The following RAP1GAP2 variants were observed in gnomAD, a reference collection of about 807,000 sequenced individuals.
RAP1GAP2 encodes RAP1 GTPase activating protein 2, also known as rap1 GTPase-activating protein 2.
RAP1GAP2 carries 27 observed loss-of-function variants against 95.0 expected under a neutral mutation model. The ratio of observed to expected loss-of-function variants is 0.28; its 90% CI spans 0.21 to 0.39. The LOEUF is 0.39. Among genes scored for constraint, RAP1GAP2 ranks in the 10% least tolerant of loss-of-function variants. The pLI, the probability that RAP1GAP2 is intolerant of heterozygous loss-of-function variation, is 1.00. For synonymous variants in RAP1GAP2, 373 were observed against 380.9 expected, an observed-to-expected ratio of 0.98 and a Z score of 0.24; for missense variants, 771 against 970.0, an observed-to-expected ratio of 0.79 and a Z score of 2.72.
intron 2 of RAP1GAP2, chr17:2,854,046 C>T (rs1165602496): frequency 9.1e-6 from 9 of 985,108 alleles, no homozygotes; most frequent in African/African-American, 8.7e-5. Flanking sequence ...GGATCCGCGC[C>T]GCCGTGGTGC....
intron 3 of RAP1GAP2, among the ~76,000 whole-genome samples, chr17:2,912,342 C>G (rs561273439): frequency 6.6e-6 from 1 of 152,182 alleles, no homozygotes; most frequent in Admixed American, 6.5e-5. Context: ...GCACAGCCCC[C>G]GGCCTGATTT....
At chr17:3,011,218 G>A (rs920338645) in intron 17 of RAP1GAP2, among the ~76,000 whole-genome samples, 4 of 152,022 alleles carry the variant, frequency 2.6e-5, no homozygotes, top group African/African-American at 7.3e-5. Context: ...GTGAGCCACC[G>A]CGCCCGGCCA....
At chr17:2,909,640 G>A (rs904969552) in intron 3 of RAP1GAP2, among the ~76,000 whole-genome samples, 1 of 152,228 alleles carries the variant, frequency 6.6e-6, no homozygotes, top group African/African-American at 2.4e-5. Context: ...GGCAGGCCCG[G>A]AGCAGAGCAG....
chr17:3,025,970 T>G, intron 19 of RAP1GAP2, 38 bp from the exon 20 acceptor site: 1 of 1,474,958 alleles, frequency 6.8e-7, no homozygotes. Flanking sequence ...GGTTGAGGGC[T>G]GTCTCCGCGG....
At chr17:2,801,590 C>T (rs1567660306) in intron 2 of RAP1GAP2, among the ~76,000 whole-genome samples, 1 of 141,528 alleles carries the variant, frequency 7.1e-6, no homozygotes, top group Non-Finnish European at 1.5e-5. Context: ...ACTAAACACT[C>T]CAGGGTATGT....
intron 3 of RAP1GAP2, among the ~76,000 whole-genome samples, chr17:2,932,776 C>T (rs2043194983): frequency 1.4e-5 from 2 of 140,688 alleles, no homozygotes; most frequent in Non-Finnish European, 3.0e-5. Flanking sequence ...CAAGATTGCA[C>T]CACTGCACTC....
At chr17:2,886,820 G>A (rs2073520275) in intron 2 of RAP1GAP2, among the ~76,000 whole-genome samples, 1 of 152,124 alleles carries the variant, frequency 6.6e-6, no homozygotes, top group Non-Finnish European at 1.5e-5. Flanking sequence ...CAAAGCAGCA[G>A]TGCAACAGGC....
intron 12 of RAP1GAP2, among the ~76,000 whole-genome samples, chr17:2,991,909 C>T (rs934975815): frequency 2.0e-5 from 3 of 150,866 alleles, no homozygotes; most frequent in African/African-American, 4.9e-5. Flanking sequence ...GGACTACAGG[C>T]GCCCGCCAAC....
rs576790446 is a variant in RAP1GAP2 at position 3,026,312 on chromosome 17, G to A, written c.1866-38G>A. 6.6e-5 allele frequency: 100 copies of A among 1,508,864 alleles called. 3 individuals carry two copies. In the South Asian group the frequency reaches 1.0e-3, roughly 15 times the overall value. The allele number at this position is 1,508,864 out of a possible 1,614,324, so 93.5% of individuals were successfully genotyped here. A position where few individuals can be genotyped will look rare whatever the true frequency, so the allele number is the denominator to read the frequency against. On this transcript the variant is annotated intron_variant, in intron 20 of 24. Transcript: ENST00000254695. ...GACCCTGGGGGTGGAGGGCTCTCGC[G>A]TGTGACCCGGGCTGGCCTCACTTCC...
At chr17:2,878,891 A>G (rs774259360) in intron 2 of RAP1GAP2, among the ~76,000 whole-genome samples, 5 of 152,192 alleles carry the variant, frequency 3.3e-5, no homozygotes, top group Admixed American at 6.5e-5. Flanking sequence ...CGGTTTTCTC[A>G]TCCGTGTGAT....
chr17:3,007,165 G>T (rs764623977), intron 16 of RAP1GAP2, among the ~76,000 whole-genome samples: 9 of 152,120 alleles, frequency 5.9e-5, no homozygotes, highest in Non-Finnish European at 8.8e-5. Flanking sequence ...GGACCCACGG[G>T]GGCTGGAATG....
chr17:2,991,266 A>G, intron 11 of RAP1GAP2, 31 bp from the exon 12 acceptor site: 1 of 1,516,668 alleles, frequency 6.6e-7, no homozygotes, highest in Non-Finnish European at 9.0e-7. Flanking sequence ...AATTTTTCTA[A>G]TTCCTGCCCT....
At chr17:2,957,639 T>C (rs1465908874) in intron 3 of RAP1GAP2, 120 bp from the exon 4 acceptor site, 2 of 1,145,436 alleles carry the variant, frequency 1.7e-6, no homozygotes, top group Admixed American at 2.3e-5. Context: ...TTGATCCAAA[T>C]GAATTTTGTC....
chr17:2,989,701 A>T (rs996849988), intron 11 of RAP1GAP2, among the ~76,000 whole-genome samples: 5 of 151,828 alleles, frequency 3.3e-5, no homozygotes, highest in Admixed American at 6.6e-5. Flanking sequence ...AAACATTTTT[A>T]AAAATAACAG....
intron 2 of RAP1GAP2, among the ~76,000 whole-genome samples, chr17:2,807,820 G>A (rs1474025000): frequency 6.6e-6 from 1 of 152,142 alleles, no homozygotes; most frequent in African/African-American, 2.4e-5. Flanking sequence ...TTAGGACTAG[G>A]GGAATGCTAT....
intron 1 of RAP1GAP2, among the ~76,000 whole-genome samples, chr17:2,762,283 G>C (rs1223876698): frequency 6.6e-6 from 1 of 151,632 alleles, no homozygotes; most frequent in African/African-American, 2.4e-5. Flanking sequence ...CACTGCGCCT[G>C]GCCGTCCATT....
At chr17:2,782,264 A>G (rs2068679582) in intron 1 of RAP1GAP2, among the ~76,000 whole-genome samples, 1 of 152,174 alleles carries the variant, frequency 6.6e-6, no homozygotes, top group African/African-American at 2.4e-5. Flanking sequence ...GAGGGACGGC[A>G]AGTCCAGCCT....
chr17:3,006,583 G>A (rs571451622), intron 16 of RAP1GAP2, among the ~76,000 whole-genome samples: 5 of 151,854 alleles, frequency 3.3e-5, no homozygotes, highest in Non-Finnish European at 5.9e-5. Flanking sequence ...ACAGGCGCCC[G>A]CCACCACGCC....
chr17:2,898,360 A>G (rs1380454466), intron 2 of RAP1GAP2, among the ~76,000 whole-genome samples: 1 of 152,066 alleles, frequency 6.6e-6, no homozygotes, highest in Non-Finnish European at 1.5e-5. Flanking sequence ...TTCTCAAGCT[A>G]CCCATTCACT....
Sources: allele counts gnomAD v4.1 joint callset (sites outside exome capture counted in the v4.1 genomes callset), GRCh38; gene constraint gnomAD v4.1.1; transcripts MANE v1.5; gene names NCBI Gene and HGNC (gene_info 2026-07-23, HGNC 2026-07-21).